PRKCE: variants seen among roughly 807,000 people sequenced by gnomAD.
The protein encoded by PRKCE is protein kinase C epsilon type.
PRKCE carries 16 observed loss-of-function variants against 85.4 expected under a neutral mutation model. The ratio of observed to expected loss-of-function variants is 0.19; its 90% CI spans 0.13 to 0.28. The LOEUF is 0.28. Ranked by LOEUF, PRKCE falls within the 10% of genes least tolerant of loss-of-function variation. The pLI, the probability that PRKCE is intolerant of heterozygous loss-of-function variation, is 1.00. For synonymous variants in PRKCE, 388 were observed against 371.5 expected (o/e 1.04, Z -0.51); for missense variants, 573 against 975.2 (o/e 0.59, Z 5.49).
At chr2:45,870,348 C>T (rs755704238) in intron 2 of PRKCE, among the ~76,000 whole-genome samples, 43 of 151,118 alleles carry the variant, frequency 2.8e-4, no homozygotes, top group Non-Finnish European at 5.9e-5. Context: ...CCTGTGTAGA[C>T]TCAGCTATTA....
At chr2:45,726,790 C>T (rs1681112619) in intron 1 of PRKCE, among the ~76,000 whole-genome samples, 1 of 152,136 alleles carries the variant, frequency 6.6e-6, no homozygotes. Context: ...TTGCCTCGGT[C>T]ATCAGCCCTC....
Position 45,897,322 on chromosome 2 carries a change from C to T in PRKCE, c.412+54259C>T, listed in dbSNP as rs72802803. ...AGGTGATGTAATATCTGTAGACCTG[C>T]GGACACTGATCTTCCTCAGGACACA... On this transcript the variant is annotated intron_variant, in intron 2 of 14. Transcript: ENST00000306156. Among the ~76,000 whole-genome samples, 22 of 152,248 alleles carry T rather than the reference C, an allele frequency of 1.4e-4. No homozygotes were observed. In the South Asian group the frequency reaches 2.9e-3, roughly 20 times the overall value.
At chr2:46,141,175 G>A (rs1291040475) in intron 11 of PRKCE, among the ~76,000 whole-genome samples, 1 of 152,060 alleles carries the variant, frequency 6.6e-6, no homozygotes, top group African/African-American at 2.4e-5. Context: ...TGTGCAAAAT[G>A]TCCTATGCAG....
chr2:45,970,069 G>C (rs1417009772), intron 2 of PRKCE, among the ~76,000 whole-genome samples: 1 of 152,208 alleles, frequency 6.6e-6, no homozygotes, highest in Admixed American at 6.5e-5. Context: ...TTCCTAAGGA[G>C]TTGCCGAATC....
intron 2 of PRKCE, among the ~76,000 whole-genome samples, chr2:45,873,136 C>T (rs1694221417): frequency 6.6e-6 from 1 of 152,202 alleles, no homozygotes; most frequent in African/African-American, 2.4e-5. Flanking sequence ...CACATATACA[C>T]ACTAGACTGT....
At chr2:45,679,102 CTTCTT>C (rs1165306933) in intron 1 of PRKCE, among the ~76,000 whole-genome samples, 2 of 152,118 alleles carry the variant, frequency 1.3e-5, no homozygotes, top group African/African-American at 4.8e-5. Flanking sequence ...GAGAAACACC[CTTCTT>C]TTGGATCCGA....
chr2:45,772,959 G>A (rs932953052), intron 1 of PRKCE, among the ~76,000 whole-genome samples: 1 of 152,104 alleles, frequency 6.6e-6, no homozygotes, highest in African/African-American at 2.4e-5. Context: ...ATGGCAGGTG[G>A]CTGGGCCGTG....
At chr2:45,746,119 C>A (rs1683117831) in intron 1 of PRKCE, among the ~76,000 whole-genome samples, 1 of 152,190 alleles carries the variant, frequency 6.6e-6, no homozygotes, top group Non-Finnish European at 1.5e-5. Flanking sequence ...CTTTTCCCTG[C>A]CCCTTCCCTC....
At chr2:45,974,618 C>A (rs1232249858) in intron 2 of PRKCE, among the ~76,000 whole-genome samples, 1 of 152,154 alleles carries the variant, frequency 6.6e-6, no homozygotes. Flanking sequence ...CTTTTACCTC[C>A]TTCAATTTTA....
intron 1 of PRKCE, among the ~76,000 whole-genome samples, chr2:45,815,434 G>T (rs896889136): frequency 6.6e-6 from 1 of 152,140 alleles, no homozygotes; most frequent in Admixed American, 6.5e-5. Context: ...TCTCTCCCCT[G>T]ATTGTGTCCT....
At chr2:46,054,157 G>C (rs1666338444) in intron 10 of PRKCE, among the ~76,000 whole-genome samples, 1 of 152,178 alleles carries the variant, frequency 6.6e-6, no homozygotes, top group Non-Finnish European at 1.5e-5. Flanking sequence ...ATGATTAACT[G>C]ATTGAATTCT....
chr2:46,036,817 G>A lies in PRKCE; in HGVS notation c.1437+26300G>A, dbSNP rs1412822245. On this transcript the variant is annotated intron_variant, in intron 10 of 14. Coordinates refer to ENST00000306156, the MANE Select transcript of PRKCE (RefSeq NM_005400.3). ...GGGAGAAAGGTGAACAAACCTCAGT[G>A]GAGAGTTTGTGTAGGGGCCTAGTGG... Among the ~76,000 whole-genome samples, 4 of 152,322 alleles carry A rather than the reference G, an allele frequency of 2.6e-5. No homozygotes were observed. The East Asian group carries it at 7.7e-4, about 29-fold the overall frequency.
intron 1 of PRKCE, among the ~76,000 whole-genome samples, chr2:45,842,206 G>A (rs776140984): frequency 6.6e-6 from 1 of 152,188 alleles, no homozygotes; most frequent in Non-Finnish European, 1.5e-5. Context: ...ATTATAAGTA[G>A]TTAGCTGGAT....
intron 10 of PRKCE, among the ~76,000 whole-genome samples, chr2:46,044,324 ATC>A: frequency 6.6e-6 from 1 of 152,326 alleles, no homozygotes; most frequent in Non-Finnish European, 1.5e-5. Context: ...AGTCCCAGTG[ATC>A]TGTTAGAGAA....
chr2:46,022,411 A>G (rs1268274367), intron 10 of PRKCE, among the ~76,000 whole-genome samples: 1 of 152,156 alleles, frequency 6.6e-6, no homozygotes, highest in East Asian at 1.9e-4. Context: ...AGACAAGGAC[A>G]ATGACAAAGT....
Position 46,141,533 on chromosome 2 carries a change from T to C in PRKCE, c.1593-3560T>C, listed in dbSNP as rs987767773. The stretch of plus-strand genomic sequence containing the variant: ...GAATGGATGCAGGAGGGAGAATTTT[T>C]ACTGCATGCCCTTTCATACTTTTTG... On this transcript the variant is annotated intron_variant, in intron 11 of 14. Transcript: ENST00000306156. Among the ~76,000 whole-genome samples, 10 of 152,356 alleles carry C rather than the reference T, an allele frequency of 6.6e-5. No individual in the cohort carries two copies. In the East Asian group the frequency reaches 1.9e-3, roughly 29 times the overall value.
intron 2 of PRKCE, among the ~76,000 whole-genome samples, chr2:45,953,443 C>T (rs190221100): frequency 6.6e-6 from 1 of 152,318 alleles, no homozygotes; most frequent in Non-Finnish European, 1.5e-5. Context: ...CTCTTCCTCC[C>T]TTCCCTCTCC....
chr2:46,170,536 C>A (rs561860222), intron 14 of PRKCE, among the ~76,000 whole-genome samples: 1 of 152,320 alleles, frequency 6.6e-6, no homozygotes, highest in South Asian at 2.1e-4. Flanking sequence ...GCAGTTAGAA[C>A]AATTCCTGGC....
At chr2:45,735,171 G>A (rs1004411098) in intron 1 of PRKCE, among the ~76,000 whole-genome samples, 1 of 152,176 alleles carries the variant, frequency 6.6e-6, no homozygotes, top group Non-Finnish European at 1.5e-5. Flanking sequence ...AACACCACAT[G>A]TGGTCCATCA....
Sources: gnomAD v4.1 joint callset for allele counts (sites outside exome capture counted in the v4.1 genomes callset) on GRCh38, gnomAD v4.1.1 for gene constraint, MANE v1.5 for transcripts, NCBI Gene and HGNC (gene_info 2026-07-23, HGNC 2026-07-21) for gene names.